RIT2: variants seen among roughly 807,000 people sequenced by gnomAD.
RIT2 encodes the protein Ras like without CAAX 2, also known as GTP-binding protein Rit2.
A neutral mutation model predicts 23.7 loss-of-function variants in RIT2; 24 were observed. The ratio of observed to expected loss-of-function variants is 1.01; its 90% CI spans 0.73 to 1.43. RIT2 has a LOEUF of 1.43. Among genes scored for constraint, RIT2 ranks in the 40% most tolerant of loss-of-function variants. The pLI, the probability that RIT2 is intolerant of heterozygous loss-of-function variation, is 0.00. For missense variants in RIT2, 236 were observed against 266.9 expected (o/e 0.88, Z 0.81); for synonymous variants, 107 against 91.1 (o/e 1.17, Z -0.99).
chr18:43,046,446 C>T (rs1314474229), intron 1 of RIT2, among the ~76,000 whole-genome samples: 3 of 152,176 alleles, frequency 2.0e-5, no homozygotes, highest in Non-Finnish European at 4.4e-5. Context: ...ATCTTGCCTC[C>T]ACAGTAAACA....
chr18:43,016,709 T>A (rs1314708257), intron 2 of RIT2, among the ~76,000 whole-genome samples: 1 of 151,838 alleles, frequency 6.6e-6, no homozygotes, highest in Non-Finnish European at 1.5e-5. Flanking sequence ...AAAGTCAAAT[T>A]ATAGAATATG....
At chr18:42,880,184 T>C (rs954867930) in intron 4 of RIT2, among the ~76,000 whole-genome samples, 3 of 152,164 alleles carry the variant, frequency 2.0e-5, no homozygotes, top group Non-Finnish European at 2.9e-5. Context: ...TCTCGTATTA[T>C]AGGTTCTTCT....
intron 2 of RIT2, among the ~76,000 whole-genome samples, chr18:43,023,012 G>A (rs760098185): frequency 1.8e-4 from 27 of 151,980 alleles, no homozygotes; most frequent in Non-Finnish European, 3.5e-4. Context: ...AGTCTTTATT[G>A]CAAGACCAAT....
intron 2 of RIT2, among the ~76,000 whole-genome samples, chr18:43,023,060 C>T (rs950895155): frequency 5.9e-5 from 9 of 151,980 alleles, no homozygotes; most frequent in African/African-American, 1.7e-4. Context: ...CTTAGTATGA[C>T]GTCATTAAAA....
intron 1 of RIT2, among the ~76,000 whole-genome samples, chr18:43,099,280 T>G (rs1264096419): frequency 6.6e-6 from 1 of 152,074 alleles, no homozygotes; most frequent in Non-Finnish European, 1.5e-5. Context: ...AATGAATGAT[T>G]CAGTTTAAAC....
chr18:43,062,660 T>C lies in RIT2; in HGVS notation c.104-28793A>G, dbSNP rs371593337. On this transcript the variant is annotated intron_variant, in intron 1 of 4. Coordinates refer to ENST00000326695, the MANE Select transcript of RIT2 (RefSeq NM_002930.4). ...CCAAGATCAGTAGTTTAAATAGCCTTTCTATCAGTCTGTAGTATCTAGAAC... is the reference window on the plus strand; with the variant it reads ...CCAAGATCAGTAGTTTAAATAGCCTCTCTATCAGTCTGTAGTATCTAGAAC... Among the ~76,000 whole-genome samples the C allele has an allele frequency of 1.1e-4, 17 of 152,302 alleles. No individual in the cohort carries two copies. In the South Asian group the frequency reaches 2.5e-3, roughly 22 times the overall value.
intron 4 of RIT2, among the ~76,000 whole-genome samples, chr18:42,861,864 C>T (rs1907336829): frequency 6.6e-6 from 1 of 152,154 alleles, no homozygotes; most frequent in Non-Finnish European, 1.5e-5. Context: ...ACCTTATCTC[C>T]TTTAAATATG....
At chr18:43,062,610 C>T (rs73951800) in intron 1 of RIT2, among the ~76,000 whole-genome samples, 24,334 of 152,052 alleles carry the variant, frequency 0.16, 2,048 homozygotes, top group South Asian at 0.21. Context: ...TCAGAAGAAC[C>T]GCTAAATTGG....
At chr18:42,859,555 G>A (rs544741204) in intron 4 of RIT2, among the ~76,000 whole-genome samples, 13 of 151,994 alleles carry the variant, frequency 8.6e-5, no homozygotes, top group Non-Finnish European at 1.9e-4. Context: ...GATCTGGTAC[G>A]TCCAATTTAA....
intron 4 of RIT2, among the ~76,000 whole-genome samples, chr18:42,881,293 G>T (rs898478412): frequency 6.6e-6 from 1 of 152,106 alleles, no homozygotes; most frequent in Non-Finnish European, 1.5e-5. Context: ...CATATATTTT[G>T]CTATCTCAAT....
At chr18:42,946,621 C>T (rs1909733411) in intron 3 of RIT2, among the ~76,000 whole-genome samples, 1 of 151,914 alleles carries the variant, frequency 6.6e-6, no homozygotes. Context: ...GTAAGAAGTT[C>T]TATTATCTGA....
At chr18:43,052,258 C>A (rs998805174) in intron 1 of RIT2, among the ~76,000 whole-genome samples, 2 of 151,928 alleles carry the variant, frequency 1.3e-5, no homozygotes, top group East Asian at 1.9e-4. Flanking sequence ...GTGTAAAAGA[C>A]CTGCACTTAA....
At chr18:43,010,618 G>A (rs1473028628) in intron 2 of RIT2, among the ~76,000 whole-genome samples, 1 of 151,704 alleles carries the variant, frequency 6.6e-6, no homozygotes, top group East Asian at 1.9e-4. Flanking sequence ...ATTTTCACTG[G>A]AAGTTCCAGA....
intron 4 of RIT2, among the ~76,000 whole-genome samples, chr18:42,850,782 T>C (rs1907034763): frequency 6.6e-6 from 1 of 152,182 alleles, no homozygotes; most frequent in South Asian, 2.1e-4. Context: ...TCCTTTAGTG[T>C]TGGCTGCAAG....
intron 1 of RIT2, among the ~76,000 whole-genome samples, chr18:43,107,797 GTTGT>G (rs1200805058): frequency 2.6e-5 from 4 of 152,086 alleles, no homozygotes; most frequent in South Asian, 2.1e-4. Context: ...AGCACTCTCC[GTTGT>G]TTGTGTAGAA....
intron 1 of RIT2, among the ~76,000 whole-genome samples, chr18:43,040,636 C>T (rs1342924231): frequency 6.6e-6 from 1 of 152,126 alleles, no homozygotes; most frequent in Non-Finnish European, 1.5e-5. Flanking sequence ...ACTGTATCCA[C>T]AGTCTATTAT....
chr18:43,095,736 G>A (rs1913537146), intron 1 of RIT2, among the ~76,000 whole-genome samples: 2 of 151,918 alleles, frequency 1.3e-5, no homozygotes, highest in South Asian at 4.1e-4. Context: ...GATCAGTTGA[G>A]CAACAAATGC....
At chr18:42,958,894 T>C (rs987483861) in intron 3 of RIT2, among the ~76,000 whole-genome samples, 6 of 152,142 alleles carry the variant, frequency 3.9e-5, no homozygotes, top group African/African-American at 1.4e-4. Flanking sequence ...CCCACTTTTA[T>C]TACTCTCCAT....
At chr18:43,077,620 A>G (rs148249181) in intron 1 of RIT2, among the ~76,000 whole-genome samples, 32 of 152,318 alleles carry the variant, frequency 2.1e-4, no homozygotes, top group African/African-American at 7.5e-4. Context: ...CTTTACGGCT[A>G]TGATGATTCA....
Sources: gnomAD v4.1 joint callset for allele counts (sites outside exome capture counted in the v4.1 genomes callset) on GRCh38, gnomAD v4.1.1 for gene constraint, MANE v1.5 for transcripts, NCBI Gene and HGNC (gene_info 2026-07-23, HGNC 2026-07-21) for gene names.